NPSR1: variants seen among roughly 807,000 people sequenced by gnomAD.
The protein encoded by NPSR1 is neuropeptide S receptor.
A neutral mutation model predicts 46.9 loss-of-function variants in NPSR1; 48 were observed. That is an observed-to-expected ratio of 1.02 (90% confidence interval 0.81 to 1.30). The LOEUF is 1.30. Ranked by LOEUF, NPSR1 falls within the 50% of genes most tolerant of loss-of-function variation. The pLI, the probability that NPSR1 is intolerant of heterozygous loss-of-function variation, is 0.00. For missense variants in NPSR1, 450 were observed against 449.5 expected, an observed-to-expected ratio of 1.00 and a Z score of -0.01; for synonymous variants, 176 against 168.1, an observed-to-expected ratio of 1.05 and a Z score of -0.36.
chr7:34,812,849 A>C (rs1438572217), intron 4 of NPSR1, among the ~76,000 whole-genome samples: 1 of 152,254 alleles, frequency 6.6e-6, no homozygotes, highest in Non-Finnish European at 1.5e-5. Context: ...GACAAAATCC[A>C]AACTGTAGAA....
chr7:34,681,747 A>G (rs1309158373), intron 1 of NPSR1, among the ~76,000 whole-genome samples: 1 of 152,148 alleles, frequency 6.6e-6, no homozygotes, highest in African/African-American at 2.4e-5. Flanking sequence ...CAGTTCTGGA[A>G]AGGTCTCCAG....
chr7:34,847,579 T>A (rs1790782643), intron 7 of NPSR1, among the ~76,000 whole-genome samples: 1 of 152,132 alleles, frequency 6.6e-6, no homozygotes, highest in Non-Finnish European at 1.5e-5. Flanking sequence ...ACATTTCAGT[T>A]TGATTCCAAG....
At chr7:34,672,310 T>C (rs1792098441) in intron 1 of NPSR1, among the ~76,000 whole-genome samples, 1 of 152,236 alleles carries the variant, frequency 6.6e-6, no homozygotes, top group Admixed American at 6.5e-5. Context: ...AAGCTTTCAA[T>C]ACATGCTATT....
intron 3 of NPSR1, among the ~76,000 whole-genome samples, chr7:34,788,434 T>C (rs1787567146): frequency 6.6e-6 from 1 of 152,022 alleles, no homozygotes; most frequent in African/African-American, 2.4e-5. Flanking sequence ...AATGGCAATT[T>C]AGGGCACATA....
chr7:34,695,554 T>C (rs1685740697), intron 2 of NPSR1, among the ~76,000 whole-genome samples: 1 of 152,058 alleles, frequency 6.6e-6, no homozygotes, highest in Non-Finnish European at 1.5e-5. Context: ...AGATTATTTC[T>C]CCAACAAATG....
chr7:34,826,007 T>C (rs758868236), intron 4 of NPSR1, among the ~76,000 whole-genome samples: 4 of 152,202 alleles, frequency 2.6e-5, no homozygotes, highest in South Asian at 2.1e-4. Context: ...TTATCTAGGA[T>C]TTTAATTACT....
chr7:34,748,005 C>T (rs983977084), intron 2 of NPSR1, among the ~76,000 whole-genome samples: 1 of 152,104 alleles, frequency 6.6e-6, no homozygotes, highest in African/African-American at 2.4e-5. Flanking sequence ...TGCAGCAAGG[C>T]TTTTGGCCAG....
At chr7:34,851,152 A>G (rs529402057), downstream of NPSR1, among the ~76,000 whole-genome samples, 1 of 150,162 alleles carries the variant, frequency 6.7e-6, no homozygotes, top group South Asian at 2.1e-4. Context: ...CCTTGGCAAA[A>G]TCCTCCTTCC....
intron 2 of NPSR1, among the ~76,000 whole-genome samples, chr7:34,720,690 C>T (rs115839466): frequency 1.0e-3 from 159 of 152,144 alleles, no homozygotes; most frequent in African/African-American, 3.6e-3. Flanking sequence ...GGAGAAGAAG[C>T]CTTCCATTGG....
intron 2 of NPSR1, among the ~76,000 whole-genome samples, chr7:34,766,764 G>A (rs933108686): frequency 1.3e-5 from 2 of 151,948 alleles, no homozygotes; most frequent in South Asian, 2.1e-4. Flanking sequence ...TAGTAGAGAC[G>A]GGGTTTCACT....
intron 3 of NPSR1, among the ~76,000 whole-genome samples, chr7:34,788,020 A>C (rs1202146391): frequency 6.6e-6 from 1 of 152,150 alleles, no homozygotes; most frequent in African/African-American, 2.4e-5. Flanking sequence ...TTTGTAAAAA[A>C]AATGCACTAT....
At chr7:34,710,969 G>C (rs963636461) in intron 2 of NPSR1, 1 of 355,364 alleles carries the variant, frequency 2.8e-6, no homozygotes, top group African/African-American at 2.2e-5. Flanking sequence ...AATTCAAATG[G>C]CTAGGATGGC....
chr7:34,799,424 G>C lies in NPSR1; in HGVS notation c.385-12346G>C, dbSNP rs375533671. ...AAGAAGAGGATTCAACATTCTTAAA[G>C]AAAACAATTTTCAACCCAGAATTTC... On this transcript the variant is annotated intron_variant, in intron 3 of 8. Transcript: ENST00000360581. Among the ~76,000 whole-genome samples, 3 of 151,940 alleles carry C rather than the reference G, an allele frequency of 2.0e-5. No individual in the cohort carries two copies. In the South Asian group the frequency reaches 6.3e-4, roughly 32 times the overall value.
At chr7:34,759,441 C>G (rs148767878) in intron 2 of NPSR1, among the ~76,000 whole-genome samples, 6 of 152,036 alleles carry the variant, frequency 3.9e-5, no homozygotes, top group African/African-American at 1.4e-4. Flanking sequence ...CTTTTTATGC[C>G]TAGATTGCTG....
rs957782783 is a variant in NPSR1, at chr7:34,856,289, T to C, written c.1025+7626T>C. ...TAAATTATTAGAATTAATCACAAGG[T>C]TTAATAAGGTTGCAGGATACAAAAA... On this transcript the variant is annotated intron_variant, in intron 8 of 8. Transcript: ENST00000359791. 4.0e-5 allele frequency among the ~76,000 whole-genome samples: 6 copies of C among 151,438 alleles called. No homozygotes were observed. In the South Asian group the frequency reaches 8.3e-4, roughly 21 times the overall value.
At chr7:34,747,115 C>T (rs748857182) in intron 2 of NPSR1, among the ~76,000 whole-genome samples, 32 of 137,592 alleles carry the variant, frequency 2.3e-4, no homozygotes, top group Middle Eastern at 3.8e-3. Flanking sequence ...CAGAGCAAGA[C>T]TCCACCAAAA....
chr7:34,696,201 A>G (rs1181864256), intron 2 of NPSR1, among the ~76,000 whole-genome samples: 1 of 152,162 alleles, frequency 6.6e-6, no homozygotes, highest in East Asian at 1.9e-4. Context: ...TATACTAAGT[A>G]AAATAACTCA....
chr7:34,731,100 T>C (rs749303818), intron 2 of NPSR1, among the ~76,000 whole-genome samples: 1 of 152,092 alleles, frequency 6.6e-6, no homozygotes, highest in Non-Finnish European at 1.5e-5. Flanking sequence ...AATATAAAAT[T>C]TACAAAATTT....
chr7:34,864,316 A>G (rs1791259288), intron 8 of NPSR1, among the ~76,000 whole-genome samples: 1 of 151,324 alleles, frequency 6.6e-6, no homozygotes. Flanking sequence ...GCACGTGTAT[A>G]CCTATGTAAC....
Sources: allele counts gnomAD v4.1 joint callset (sites outside exome capture counted in the v4.1 genomes callset), GRCh38; gene constraint gnomAD v4.1.1; transcripts MANE v1.5; gene names NCBI Gene and HGNC (gene_info 2026-07-23, HGNC 2026-07-21).